Variants in CAMTA1 observed in about 807,000 individuals in gnomAD.
CAMTA1 encodes the protein calmodulin binding transcription activator 1.
In CAMTA1, 27 loss-of-function variants were observed where a neutral mutation model predicts 170.9. That is an observed-to-expected ratio of 0.16 (90% CI 0.12 to 0.22). CAMTA1 has a LOEUF of 0.22. Among genes scored for constraint, CAMTA1 ranks in the 10% least tolerant of loss-of-function variants. The pLI, the probability that CAMTA1 is intolerant of heterozygous loss-of-function variation, is 1.00. For synonymous variants in CAMTA1, 833 were observed against 891.5 expected, an observed-to-expected ratio of 0.93 and a Z score of 1.17; for missense variants, 1,619 against 2,217.2, an observed-to-expected ratio of 0.73 and a Z score of 5.42.
intron 5 of CAMTA1, among the ~76,000 whole-genome samples, chr1:7,434,203 C>A: frequency 6.6e-6 from 1 of 152,188 alleles, no homozygotes; most frequent in African/African-American, 2.4e-5. Flanking sequence ...TGAGCATTTG[C>A]AGAACTCTCT....
At chr1:7,488,265 GTGAGGCTGGGCCAAGTGTGGGTGCTCC>G (rs1219171281) in intron 6 of CAMTA1, among the ~76,000 whole-genome samples, 11 of 152,194 alleles carry the variant, frequency 7.2e-5, no homozygotes, top group Non-Finnish European at 1.2e-4. Flanking sequence ...TGGAGCAGCT[GTGAGGCTGGGCCAAGTGTGGGTGCTCC>G]TGGTAGGATG....
chr1:6,993,111 A>G (rs1696654048), intron 3 of CAMTA1, among the ~76,000 whole-genome samples: 1 of 152,132 alleles, frequency 6.6e-6, no homozygotes, highest in South Asian at 2.1e-4. Flanking sequence ...CCAGTACCTC[A>G]CTGTCTTGAT....
At chr1:7,516,726 A>G (rs2094292073) in intron 6 of CAMTA1, among the ~76,000 whole-genome samples, 2 of 152,312 alleles carry the variant, frequency 1.3e-5, no homozygotes, top group South Asian at 4.1e-4. Flanking sequence ...GGCCAGCAGA[A>G]TGTCACAGAC....
Position 7,685,260 on chromosome 1 carries a change from G to A in CAMTA1, c.2914+7527G>A, listed in dbSNP as rs1247273893. Among the ~76,000 whole-genome samples the A allele has an allele frequency of 6.6e-6, 1 of 152,172 alleles. No homozygotes were observed. The highest frequency in any genetic ancestry group is 1.5e-5 in the Non-Finnish European group (1 of 68,026). On this transcript the variant is annotated intron_variant, in intron 11 of 22. Transcript: ENST00000303635. The surrounding 1 kb of genome is among the most constrained non-coding windows in gnomAD (Gnocchi z 5.7). ...TATATACACAGCAATACGTATTTAG[G>A]GAAGGATGCAGATATGGGAAAGATC...
At position 7,640,313 on chromosome 1, in the gene CAMTA1, C is replaced by G; in HGVS notation, c.511-87C>G. The G allele has an allele frequency of 2.0e-6, 3 of 1,477,852 alleles. No homozygotes were observed. In the South Asian group the frequency reaches 3.6e-5, roughly 18 times the overall value. The allele number at this position is 1,477,852 out of a possible 1,614,324, so 91.5% of individuals were successfully genotyped here. A position where few individuals can be genotyped will look rare whatever the true frequency, so the allele number is the denominator to read the frequency against. On this transcript the variant is annotated intron_variant, in intron 6 of 22. Transcript: ENST00000303635. The stretch of plus-strand genomic sequence containing the variant: ...AGCCGGGTGTCTGGGGCCTCAGTCT[C>G]TGCCTGCACCTGCGGGGTTGGGGGC...
At chr1:7,758,799 G>A (rs2096951874) in intron 22 of CAMTA1, among the ~76,000 whole-genome samples, 1 of 151,986 alleles carries the variant, frequency 6.6e-6, no homozygotes, top group Admixed American at 6.6e-5. Context: ...GCCGGTTGCG[G>A]TGGCGGGCGC....
intron 5 of CAMTA1, among the ~76,000 whole-genome samples, chr1:7,453,192 C>T (rs1193247): frequency 0.25 from 37,731 of 152,194 alleles, 5,257 homozygotes; most frequent in East Asian, 0.55. Flanking sequence ...AATGTGGAAT[C>T]GTGTCCAGCG....
Position 7,666,580 on chromosome 1 carries a change from G to A in CAMTA1, c.2652+1381G>A, listed in dbSNP as rs1422076494. 5.3e-5 allele frequency among the ~76,000 whole-genome samples: 8 copies of A among 152,310 alleles called. No individual in the cohort carries two copies. In the Middle Eastern group the frequency reaches 0.01, roughly 194 times the overall value. On this transcript the variant is annotated intron_variant, in intron 9 of 22. Transcript: ENST00000303635. ...TAAATAACCTAGTGCAGACAAGCAC[G>A]TGCATCCTGACCTCTACCCAGCCCA...
chr1:7,746,732 A>G lies in CAMTA1; in HGVS notation c.4617+641A>G, dbSNP rs186383003. On this transcript the variant is annotated intron_variant, in intron 18 of 22. Transcript: ENST00000303635. ...TGCTCACTGCAACCTCCACCTCCCA[A>G]TTCAGGTGATTCTCCTGCCTCAGCC... 6.2e-3 allele frequency among the ~76,000 whole-genome samples: 944 copies of G among 152,220 alleles called. 39 individuals carry two copies. The highest frequency in any genetic ancestry group is 0.053 in the Admixed American group (817 of 15,282).
intron 11 of CAMTA1, among the ~76,000 whole-genome samples, chr1:7,705,263 G>A (rs2096501813): frequency 6.6e-6 from 1 of 151,288 alleles, no homozygotes; most frequent in Non-Finnish European, 1.5e-5. Flanking sequence ...GTTTGGCCGA[G>A]GAGTGGGTGG....
At chr1:7,654,322 G>A (rs1388663560) in intron 7 of CAMTA1, among the ~76,000 whole-genome samples, 1 of 152,020 alleles carries the variant, frequency 6.6e-6, no homozygotes, top group Non-Finnish European at 1.5e-5. Flanking sequence ...GGAGGTTGCA[G>A]TGAGCTCAGA....
At chr1:7,650,212 C>T (rs921283243) in intron 7 of CAMTA1, among the ~76,000 whole-genome samples, 16 of 152,250 alleles carry the variant, frequency 1.1e-4, no homozygotes, top group African/African-American at 3.9e-4. Context: ...ACTCACACTT[C>T]ACCCACGGTG....
chr1:6,838,215 C>G (rs1162229461), intron 3 of CAMTA1, among the ~76,000 whole-genome samples: 1 of 152,192 alleles, frequency 6.6e-6, no homozygotes, highest in African/African-American at 2.4e-5. Context: ...TAGTCACTGA[C>G]AGCACCAAGC....
chr1:6,975,971 G>A (rs1012196142), intron 3 of CAMTA1, among the ~76,000 whole-genome samples: 2 of 152,192 alleles, frequency 1.3e-5, no homozygotes, highest in African/African-American at 4.8e-5. Context: ...GCCGCGGCGA[G>A]CGTCAGTACT....
chr1:7,633,837 G>A lies in CAMTA1; in HGVS notation c.511-6563G>A, dbSNP rs1254143514. Among the ~76,000 whole-genome samples the A allele has an allele frequency of 2.0e-5, 3 of 152,360 alleles. No homozygotes were observed. The highest frequency in any genetic ancestry group is 6.8e-3 in the Middle Eastern group (2 of 294). On this transcript the variant is annotated intron_variant, in intron 6 of 22. Coordinates refer to ENST00000303635, the MANE Select transcript of CAMTA1 (RefSeq NM_015215.4). The surrounding 1 kb of genome is among the most constrained non-coding windows in gnomAD (Gnocchi z 4.1). Reference sequence around the variant, plus strand: ...GAGAGATTAGTGCTGCAAAGACAGCGAGGCGGGAACCAGGCAAGGTGGGCA... The same window carrying A: ...GAGAGATTAGTGCTGCAAAGACAGCAAGGCGGGAACCAGGCAAGGTGGGCA...
intron 3 of CAMTA1, among the ~76,000 whole-genome samples, chr1:6,837,432 C>A (rs1439579141): frequency 2.6e-5 from 4 of 152,032 alleles, no homozygotes; most frequent in Non-Finnish European, 5.9e-5. Flanking sequence ...CAAAGGGACA[C>A]TTTTTCAGAG....
chr1:7,509,916 G>A lies in CAMTA1; in HGVS notation c.510+42015G>A, dbSNP rs12070075. Reference sequence around the variant, plus strand: ...GTTCACAAGGCCATGAAGCTTTTTAGCAGCCCAGCGACCAAGGGGGAAAAG... The same window carrying A: ...GTTCACAAGGCCATGAAGCTTTTTAACAGCCCAGCGACCAAGGGGGAAAAG... On this transcript the variant is annotated intron_variant, in intron 6 of 22. Coordinates refer to ENST00000303635, the MANE Select transcript of CAMTA1 (RefSeq NM_015215.4). 3.5e-3 allele frequency among the ~76,000 whole-genome samples: 531 copies of A among 151,834 alleles called. 4 individuals carry two copies. Among genetic ancestry groups the A allele is most frequent in the African/African-American group, 0.012 (489 of 41,316 alleles).
intron 6 of CAMTA1, among the ~76,000 whole-genome samples, chr1:7,542,291 T>C (rs1391643352): frequency 1.3e-5 from 2 of 152,196 alleles, no homozygotes; most frequent in African/African-American, 2.4e-5. Context: ...TTTTTTGCTA[T>C]ACTCATGCCT....
At chr1:7,758,042 A>C (rs1485397361) in intron 22 of CAMTA1, among the ~76,000 whole-genome samples, 1 of 152,154 alleles carries the variant, frequency 6.6e-6, no homozygotes, top group Non-Finnish European at 1.5e-5. Context: ...ATATATATAG[A>C]TAATCTTTCT....
Sources: gnomAD v4.1 joint callset for allele counts (sites outside exome capture counted in the v4.1 genomes callset) on GRCh38, gnomAD v4.1.1 for gene constraint, Gnocchi (gnomAD v3.1) non-coding constraint, MANE v1.5 for transcripts, NCBI Gene and HGNC (gene_info 2026-07-23, HGNC 2026-07-21) for gene names.